The following TRIP12 variants were observed in gnomAD, a reference collection of about 807,000 sequenced individuals.
TRIP12 encodes thyroid hormone receptor interactor 12.
TRIP12 carries 25 observed loss-of-function variants against 244.2 expected under a neutral mutation model. The observed-to-expected ratio is 0.10, with a 90% CI of 0.07 to 0.14. The LOEUF (loss-of-function observed/expected upper bound fraction) is 0.14, where lower values mean the gene tolerates loss of function less well. Ranked by LOEUF, TRIP12 falls within the 10% of genes least tolerant of loss-of-function variation. The pLI, the probability that TRIP12 is intolerant of heterozygous loss-of-function variation, is 1.00. For missense variants in TRIP12, 1,677 were observed against 2,486.4 expected, an observed-to-expected ratio of 0.67 and a Z score of 6.92; for synonymous variants, 905 against 873.1, an observed-to-expected ratio of 1.04 and a Z score of -0.64.
chr2:229,791,450 T>TC (rs34883664), intron 29 of TRIP12, among the ~76,000 whole-genome samples, 199 bp from the exon 30 acceptor site: 51 of 152,140 alleles, frequency 3.4e-4, no homozygotes, highest in Admixed American at 1.6e-3. Context: ...CCTCAGAAAC[T>TC]CCAAGGGTGG....
At chr2:229,782,135 C>A (rs903260847) in intron 34 of TRIP12, among the ~76,000 whole-genome samples, 3 of 152,040 alleles carry the variant, frequency 2.0e-5, no homozygotes, top group Non-Finnish European at 4.4e-5. Flanking sequence ...ATGGTTAGAG[C>A]AAAGGTCCTG....
intron 27 of TRIP12, among the ~76,000 whole-genome samples, chr2:229,792,737 T>C (rs1287033788): frequency 6.6e-6 from 1 of 152,194 alleles, no homozygotes; most frequent in African/African-American, 2.4e-5. Context: ...CAAAATGTCA[T>C]TTCTACTACA....
At chr2:229,890,981 A>T (rs1233424191) in intron 1 of TRIP12, among the ~76,000 whole-genome samples, 1 of 152,158 alleles carries the variant, frequency 6.6e-6, no homozygotes, top group African/African-American at 2.4e-5. Flanking sequence ...AAATCAAACC[A>T]TTCTTAGAAT....
chr2:229,822,364 A>G (rs557405967), intron 8 of TRIP12, among the ~76,000 whole-genome samples: 1 of 152,334 alleles, frequency 6.6e-6, no homozygotes, highest in Non-Finnish European at 1.5e-5. Flanking sequence ...TACTTGCCAC[A>G]TTTTGAGACT....
chr2:229,823,762 G>A (rs938654458), intron 8 of TRIP12, among the ~76,000 whole-genome samples: 1 of 152,058 alleles, frequency 6.6e-6, no homozygotes, highest in Non-Finnish European at 1.5e-5. Flanking sequence ...TGAAGCGGGA[G>A]GATCACTTGA....
chr2:229,881,608 T>C (rs972338075), intron 1 of TRIP12, among the ~76,000 whole-genome samples: 2 of 152,192 alleles, frequency 1.3e-5, no homozygotes, highest in African/African-American at 4.8e-5. Context: ...ATTAATATAA[T>C]AAACTTTAAT....
At position 229,814,048 on chromosome 2, in the gene TRIP12, T is replaced by G; in HGVS notation, c.1825-17A>C. 1.9e-6 allele frequency: 3 copies of G among 1,560,854 alleles called. No individual in the cohort carries two copies. Among genetic ancestry groups the G allele is most frequent in the Non-Finnish European group, 2.6e-6 (3 of 1,144,744 alleles). ...CAAACCACCCTAAAATATAGAAAAC[T>G]GTTAAGGTAAAGAAAAATCCTTTAT... On this transcript the variant is annotated splice_polypyrimidine_tract_variant and intron_variant, in intron 12 of 41. Transcript: ENST00000675903.
intron 37 of TRIP12, among the ~76,000 whole-genome samples, chr2:229,775,812 G>A (rs2036065020): frequency 6.6e-6 from 1 of 151,780 alleles, no homozygotes; most frequent in South Asian, 2.1e-4. Context: ...GAAACAGGAT[G>A]TGGTTTTTCA....
chr2:229,872,104 TAAAAAAAAAAA>T (rs34496202), intron 2 of TRIP12, among the ~76,000 whole-genome samples: 68 of 105,262 alleles, frequency 6.5e-4, no homozygotes, highest in Middle Eastern at 6.7e-3. Flanking sequence ...ACAGATATTG[TAAAAAAAAAAA>T]AAAAAAAAAA....
In TRIP12 at chr2:229,804,062, C is replaced by G; in HGVS notation, c.2816G>C (p.Arg939Thr). Residue 939 changes from arginine to threonine, a missense_variant, in exon 19 of 42, where the codon AGG (arginine) becomes ACG (threonine). Around this residue, in one of 11 missense-constraint regions of TRIP12, gnomAD observed 572 missense variants for 867.8 expected, o/e 0.66. Transcript: ENST00000675903. ...TTCAGCATCCGCAAAATAAATTATCCTAAGAATTGCTCTAAGGCACTTATG... is the reference window on the plus strand; with the variant it reads ...TTCAGCATCCGCAAAATAAATTATCGTAAGAATTGCTCTAAGGCACTTATG... ...VRHKCLRAIL[R>T]IIYFADAELL... 6.2e-7 allele frequency: 1 copy of G among 1,614,046 alleles called. No homozygotes were observed. The highest frequency in any genetic ancestry group is 8.5e-7 in the Non-Finnish European group (1 of 1,179,998).
chr2:229,903,018 C>CTTTTTTTTTTTTTTT (rs57794819), intron 1 of TRIP12, among the ~76,000 whole-genome samples: 1 of 104,896 alleles, frequency 9.5e-6, no homozygotes, highest in African/African-American at 3.2e-5. Flanking sequence ...TTCTTTTTTT[C>CTTTTTTTTTTTTTTT]TTTTTTTTTT....
At chr2:229,792,945 A>G in intron 27 of TRIP12, 28 bp downstream of exon 27, 1 of 1,603,154 alleles carries the variant, frequency 6.2e-7, no homozygotes, top group Non-Finnish European at 8.5e-7. Flanking sequence ...TACATATATA[A>G]CACACGAAAC....
chr2:229,787,494 G>A lies in TRIP12; in HGVS notation c.4995+11C>T. ...GCTCAGATTATTTAAAGATTTTGGG[G>A]AGAAACTTACTTTTTTTCTATCCAA... On this transcript the variant is annotated intron_variant, in intron 33 of 41. Coordinates refer to ENST00000675903, the MANE Select transcript of TRIP12 (RefSeq NM_001348323.3). 6.3e-7 allele frequency: 1 copy of A among 1,593,616 alleles called. No individual in the cohort carries two copies. The highest frequency in any genetic ancestry group is 8.5e-7 in the Non-Finnish European group (1 of 1,173,976).
chr2:229,803,995 A>T lies in TRIP12; in HGVS notation c.2879+4T>A. On this transcript the variant is annotated splice_donor_region_variant and intron_variant, in intron 19 of 41. Transcript: ENST00000675903. ...AAATGTTTCTACTATTTTCATTAAC[A>T]CACCTTGAAACAGCATGATTTTTCA... 1 of 1,603,920 alleles carries T rather than the reference A, an allele frequency of 6.2e-7. No homozygotes were observed. Among genetic ancestry groups the T allele is most frequent in the Non-Finnish European group, 8.5e-7 (1 of 1,175,800 alleles).
At chr2:229,843,500 G>A (rs577484608) in intron 4 of TRIP12, among the ~76,000 whole-genome samples, 51 of 152,186 alleles carry the variant, frequency 3.4e-4, no homozygotes, top group Non-Finnish European at 6.3e-4. Flanking sequence ...GCCAAGGCCT[G>A]AGGATCATTT....
upstream of TRIP12, among the ~76,000 whole-genome samples, chr2:229,922,849 G>T (rs1391119047): frequency 2.0e-5 from 3 of 152,172 alleles, no homozygotes; most frequent in East Asian, 3.9e-4. Context: ...CCGCGGTGCC[G>T]CGTGCTCCTT....
At chr2:229,838,777 A>G (rs944723462) in intron 5 of TRIP12, among the ~76,000 whole-genome samples, 11 of 152,220 alleles carry the variant, frequency 7.2e-5, no homozygotes, top group African/African-American at 2.7e-4. Context: ...GCAACCTCAA[A>G]AGCAAACAGG....
intron 24 of TRIP12, 116 bp downstream of exon 24, chr2:229,797,574 A>C: frequency 7.7e-7 from 1 of 1,298,056 alleles, no homozygotes; most frequent in Non-Finnish European, 1.1e-6. Context: ...TATAAGGTAA[A>C]AGTCGATGTA....
At chr2:229,870,321 T>C (rs1359429700) in intron 2 of TRIP12, among the ~76,000 whole-genome samples, 1 of 152,094 alleles carries the variant, frequency 6.6e-6, no homozygotes, top group Admixed American at 6.5e-5. Flanking sequence ...AGTTAAGCCT[T>C]AAGGCACAGG....
Sources: allele counts gnomAD v4.1 joint callset (sites outside exome capture counted in the v4.1 genomes callset), GRCh38; gene constraint gnomAD v4.1.1; regional missense constraint gnomAD v4.1.1; transcripts MANE v1.5; gene names NCBI Gene and HGNC (gene_info 2026-07-23, HGNC 2026-07-21).